Variants in AAK1 observed in about 807,000 individuals in gnomAD.
AAK1 encodes the protein AP2 associated kinase 1.
A neutral mutation model predicts 116.0 loss-of-function variants in AAK1; 37 were observed. The ratio of observed to expected loss-of-function variants is 0.32; its 90% CI spans 0.25 to 0.42. The LOEUF is 0.42. AAK1 is among the 10% of genes least tolerant of loss of function. AAK1 has a pLI of 1.00. For missense variants in AAK1, 919 were observed against 1,170.6 expected, an observed-to-expected ratio of 0.79 and a Z score of 3.14; for synonymous variants, 458 against 439.9, an observed-to-expected ratio of 1.04 and a Z score of -0.51.
Position 69,573,131 on chromosome 2 carries a change from C to T in AAK1, c.164-16153G>A, listed in dbSNP as rs560371108. The stretch of plus-strand genomic sequence containing the variant: ...GATAATAAATGGGTACCAGGCAAAA[C>T]AGAACAGAGACAGAATGTGGGCTGG... On this transcript the variant is annotated intron_variant, in intron 2 of 21. Transcript: ENST00000409085. 3.9e-5 allele frequency among the ~76,000 whole-genome samples: 6 copies of T among 152,228 alleles called. No individual in the cohort carries two copies. In the South Asian group the frequency reaches 1.2e-3, roughly 32 times the overall value.
Position 69,471,144 on chromosome 2 carries a change from G to C in AAK1, c.*4725C>G, listed in dbSNP as rs1674664090. On this transcript the variant is annotated 3_prime_UTR_variant, in exon 22 of 22. Transcript: ENST00000409085. The stretch of plus-strand genomic sequence containing the variant: ...TGACAAAGGAGAGTGCAATAGGGCA[G>C]AGTAGAATACTCACAGGAAAAGAGT... The C allele has an allele frequency of 1.0e-6, 1 of 985,708 alleles. No homozygotes were observed. The highest frequency in any genetic ancestry group is 1.2e-6 in the Non-Finnish European group (1 of 829,930). 61.1% of individuals were successfully genotyped at this position (985,708 alleles called of 1,614,324 possible). A position where few individuals can be genotyped will look rare whatever the true frequency, so the allele number is the denominator to read the frequency against.
In AAK1 at chr2:69,465,514, T is replaced by C; in HGVS notation, c.*10355A>G. The C allele has an allele frequency of 7.7e-7, 1 of 1,290,846 alleles. No homozygotes were observed. The highest frequency in any genetic ancestry group is 1.0e-6 in the Non-Finnish European group (1 of 988,868). The allele number at this position is 1,290,846 out of a possible 1,614,324, so 80.0% of individuals were successfully genotyped here. A position where few individuals can be genotyped will look rare whatever the true frequency, so the allele number is the denominator to read the frequency against. On this transcript the variant is annotated 3_prime_UTR_variant, in exon 22 of 22. Coordinates refer to ENST00000409085, the MANE Select transcript of AAK1 (RefSeq NM_014911.5). ...TCCGTAGTCCTGGAGGAAAGGGATG[T>C]GATAGAAACAGACCCAGCTATCGAC...
intron 2 of AAK1, among the ~76,000 whole-genome samples, chr2:69,583,093 T>C (rs928845274): frequency 6.6e-6 from 1 of 152,190 alleles, no homozygotes; most frequent in African/African-American, 2.4e-5. Flanking sequence ...GTTCCACAAA[T>C]AACAAGCTAT....
rs539380869 is a variant in AAK1, at chr2:69,636,944, T to A, written c.163+5934A>T. 6.1e-4 allele frequency among the ~76,000 whole-genome samples: 93 copies of A among 152,210 alleles called. No homozygotes were observed. In the South Asian group the frequency reaches 6.2e-3, roughly 10 times the overall value. On this transcript the variant is annotated intron_variant, in intron 2 of 21. Transcript: ENST00000409085. ...CAAACTCCTGACCTCAGGTGATCCATCTGCCTCAGCCTCCCAAAGTGTTGG... is the reference window on the plus strand; with the variant it reads ...CAAACTCCTGACCTCAGGTGATCCAACTGCCTCAGCCTCCCAAAGTGTTGG...
At chr2:69,578,323 A>G (rs572573604) in intron 2 of AAK1, among the ~76,000 whole-genome samples, 3 of 152,284 alleles carry the variant, frequency 2.0e-5, no homozygotes, top group African/African-American at 4.8e-5. Flanking sequence ...AGCCTGCTTC[A>G]TGGCAATTAG....
At chr2:69,551,660 C>T (rs1423521158) in intron 3 of AAK1, among the ~76,000 whole-genome samples, 1 of 152,328 alleles carries the variant, frequency 6.6e-6, no homozygotes, top group South Asian at 2.1e-4. Flanking sequence ...GGAGCTGTAG[C>T]TATTTCCTAT....
At chr2:69,611,234 G>A (rs1674065227) in intron 2 of AAK1, among the ~76,000 whole-genome samples, 1 of 152,184 alleles carries the variant, frequency 6.6e-6, no homozygotes, top group Non-Finnish European at 1.5e-5. Flanking sequence ...TAGGCAGAAG[G>A]GGGATAAATA....
At position 69,471,511 on chromosome 2, in the gene AAK1, T is replaced by C. The variant is rs1369477484; in HGVS notation, c.*4358A>G. ...TTCAGGAAAGCTTCCATTCTAAATA[T>C]TCATGTGATAGTTTTTCTGTTCTGC... On this transcript the variant is annotated 3_prime_UTR_variant, in exon 22 of 22. Coordinates refer to ENST00000409085, the MANE Select transcript of AAK1 (RefSeq NM_014911.5). 3.0e-6 allele frequency: 3 copies of C among 985,356 alleles called. No homozygotes were observed. The African/African-American group carries it at 5.2e-5, about 17-fold the overall frequency. The allele number at this position is 985,356 out of a possible 1,614,324, so 61.0% of individuals were successfully genotyped here.
chr2:69,592,787 C>T (rs1421294744), intron 2 of AAK1, among the ~76,000 whole-genome samples: 3 of 152,192 alleles, frequency 2.0e-5, no homozygotes, highest in Non-Finnish European at 4.4e-5. Flanking sequence ...TTTAACATCT[C>T]TTCTTCAAAT....
At chr2:69,518,784 G>C (rs1270922164) in intron 12 of AAK1, among the ~76,000 whole-genome samples, 170 bp downstream of exon 12, 1 of 152,146 alleles carries the variant, frequency 6.6e-6, no homozygotes, top group Non-Finnish European at 1.5e-5. Context: ...GAGTAAAAGG[G>C]TGAAAGGGGT....
chr2:69,468,563 T>G lies in AAK1; in HGVS notation c.*7306A>C. 1.0e-6 allele frequency: 1 copy of G among 985,414 alleles called. No individual in the cohort carries two copies. The highest frequency in any genetic ancestry group is 1.2e-6 in the Non-Finnish European group (1 of 829,908). 61.0% of individuals were successfully genotyped at this position (985,414 alleles called of 1,614,324 possible). ...TCTTAGGGAAAAAAAATGGAAAACT[T>G]AGTCAAGCCAGTGACCAACTCTGGC... On this transcript the variant is annotated 3_prime_UTR_variant, in exon 22 of 22. Transcript: ENST00000409085.
At chr2:69,499,790 T>C (rs1410103086) in intron 16 of AAK1, 1 of 152,218 alleles carries the variant, frequency 6.6e-6, no homozygotes, top group Non-Finnish European at 1.5e-5. Flanking sequence ...TAAGTCATAT[T>C]TGAAAAAAAT....
chr2:69,501,708 C>T (rs1466931171), intron 16 of AAK1, among the ~76,000 whole-genome samples: 6 of 152,320 alleles, frequency 3.9e-5, no homozygotes, highest in East Asian at 1.9e-4. Flanking sequence ...AGGTGGCTCA[C>T]GCCTGTAATC....
In AAK1 at chr2:69,472,824, T is replaced by A; in HGVS notation, c.*3045A>T. The A allele has an allele frequency of 1.0e-6, 1 of 985,630 alleles. No individual in the cohort carries two copies. Among genetic ancestry groups the A allele is most frequent in the Non-Finnish European group, 1.2e-6 (1 of 829,860 alleles). 61.1% of individuals were successfully genotyped at this position (985,630 alleles called of 1,614,324 possible). Reference sequence around the variant, plus strand: ...TCTGATACCATTTTATTAGAATAGGTAGGTGTGTGTCCACGCATGTGTTTC... The same window carrying A: ...TCTGATACCATTTTATTAGAATAGGAAGGTGTGTGTCCACGCATGTGTTTC... On this transcript the variant is annotated 3_prime_UTR_variant, in exon 22 of 22. Transcript: ENST00000409085.
chr2:69,507,574 C>T lies in AAK1; in HGVS notation c.2011G>A (p.Ala671Thr). 6.2e-7 allele frequency: 1 copy of T among 1,608,114 alleles called. No homozygotes were observed. Among genetic ancestry groups the T allele is most frequent in the Non-Finnish European group, 8.5e-7 (1 of 1,176,890 alleles). Residue 671 changes from alanine (A) to threonine (T), a missense_variant, in exon 15 of 22, where the codon GCA becomes ACA. Transcript: ENST00000409085. ...GGAGAGCCTGATGGAGTGGTGGTTG[C>T]AGACCTAGGTAGGTTCCCACCCCCA... ...AEASLNKSKS[A>T]TTTPSGSPRT...
intron 2 of AAK1, among the ~76,000 whole-genome samples, chr2:69,620,844 G>C (rs889157202): frequency 9.9e-5 from 15 of 152,156 alleles, no homozygotes; most frequent in African/African-American, 3.4e-4. Context: ...TTGCAAACTT[G>C]AATACAAGTA....
In AAK1 at chr2:69,468,197, G is replaced by A. The variant is rs1411855319; in HGVS notation, c.*7672C>T. 7.3e-5 allele frequency: 72 copies of A among 985,278 alleles called. No homozygotes were observed. Among genetic ancestry groups the A allele is most frequent in the Non-Finnish European group, 8.7e-5 (72 of 829,924 alleles). The allele number at this position is 985,278 out of a possible 1,614,324, so 61.0% of individuals were successfully genotyped here. A position where few individuals can be genotyped will look rare whatever the true frequency, so the allele number is the denominator to read the frequency against. ...ATACGAAAGCATCAGTCAGTGGACA[G>A]GAAATAAACAGAATACCTTCTTCCT... On this transcript the variant is annotated 3_prime_UTR_variant, in exon 22 of 22. Transcript: ENST00000409085.
intron 16 of AAK1, among the ~76,000 whole-genome samples, chr2:69,500,733 A>AC (rs1558913778): frequency 1.1e-4 from 15 of 142,768 alleles, no homozygotes; most frequent in African/African-American, 2.3e-4. Context: ...ACACACACAC[A>AC]ACCATTTGCA....
intron 2 of AAK1, among the ~76,000 whole-genome samples, chr2:69,578,632 G>C (rs1182150212): frequency 2.6e-5 from 4 of 151,992 alleles, no homozygotes; most frequent in Non-Finnish European, 1.5e-5. Flanking sequence ...TACATTCCCT[G>C]CTCTCCTCTA....
Sources: allele counts gnomAD v4.1 joint callset (sites outside exome capture counted in the v4.1 genomes callset), GRCh38; gene constraint gnomAD v4.1.1; transcripts MANE v1.5; gene names NCBI Gene and HGNC (gene_info 2026-07-23, HGNC 2026-07-21).